Variants in LRRIQ1 observed in about 807,000 individuals in gnomAD.
LRRIQ1 encodes the protein leucine rich repeats and IQ motif containing 1, also known as leucine-rich repeat- and IQ domain-containing protein 1.
In LRRIQ1, 210 loss-of-function variants were observed where a neutral mutation model predicts 211.9. That is an observed-to-expected ratio of 0.99 (90% CI 0.89 to 1.11). The LOEUF (loss-of-function observed/expected upper bound fraction) is 1.11. Ranked by LOEUF, LRRIQ1 falls within the 50% of genes most tolerant of loss-of-function variation. The probability of loss-of-function intolerance (pLI) is 0.00; values close to 1 mark genes in which losing one functional copy is unlikely to be tolerated. For missense variants in LRRIQ1, 2,136 were observed against 1,939.5 expected (o/e 1.10, Z -1.90); for synonymous variants, 699 against 650.1 (o/e 1.08, Z -1.14).
chr12:85,150,035 C>T (rs907146344), intron 19 of LRRIQ1, among the ~76,000 whole-genome samples: 3 of 151,640 alleles, frequency 2.0e-5, no homozygotes, highest in African/African-American at 7.3e-5. Flanking sequence ...GGATCTTGTC[C>T]TGCTGAAGAG....
At chr12:85,065,180 A>G (rs1812510882) in intron 8 of LRRIQ1, 82 bp from the exon 9 acceptor site, 3 of 1,175,890 alleles carry the variant, frequency 2.6e-6, no homozygotes, top group African/African-American at 1.6e-5. Context: ...TGAATTTTCT[A>G]AACAGTTTTG....
intron 11 of LRRIQ1, among the ~76,000 whole-genome samples, chr12:85,082,265 G>T (rs1884375773): frequency 6.6e-6 from 1 of 152,076 alleles, no homozygotes; most frequent in Admixed American, 6.6e-5. Context: ...CACCAATGCA[G>T]TTAAGAATGC....
intron 17 of LRRIQ1, chr12:85,124,885 T>C (rs1476304374): frequency 8.6e-6 from 2 of 231,420 alleles, no homozygotes; most frequent in African/African-American, 4.8e-5. Context: ...TTTTTAAAAA[T>C]ATACCTTTGC....
intron 11 of LRRIQ1, among the ~76,000 whole-genome samples, chr12:85,094,775 CT>C (rs1885719194): frequency 6.6e-6 from 1 of 152,012 alleles, no homozygotes; most frequent in Non-Finnish European, 1.5e-5. Flanking sequence ...TGTATTATCT[CT>C]GATTTCTTTC....
At chr12:85,098,246 T>A (rs1886063342) in intron 11 of LRRIQ1, 109 bp from the exon 12 acceptor site, 1 of 662,304 alleles carries the variant, frequency 1.5e-6, no homozygotes, top group Admixed American at 3.4e-5. Flanking sequence ...TTGTAATTAA[T>A]GATAGTGAGA....
chr12:85,047,846 T>C (rs1879819004), intron 6 of LRRIQ1: 2 of 167,624 alleles, frequency 1.2e-5, no homozygotes, highest in South Asian at 1.5e-4. Context: ...GCATATGACA[T>C]GTAAAACATA....
chr12:85,066,766 A>G lies in LRRIQ1; in HGVS notation c.2563A>G (p.Ile855Val), dbSNP rs746083804. 1.9e-6 allele frequency: 3 copies of G among 1,594,030 alleles called. No homozygotes were observed. The highest frequency in any genetic ancestry group is 2.6e-6 in the Non-Finnish European group (3 of 1,172,086). Reference sequence around the variant, plus strand: ...GCTTCAGGAAAACCATATTGAGGCTATTGAGTGTGAAAATTTGGAAAATCT... The same window carrying G: ...GCTTCAGGAAAACCATATTGAGGCTGTTGAGTGTGAAAATTTGGAAAATCT... ...IDAQENHIEA[I>V]ECENLENLCV... The change falls in exon 10 of 27, where the codon ATT (isoleucine) becomes GTT (valine). Residue 855 changes from isoleucine to valine, a missense_variant. Ile to Val is a conservative substitution (Grantham distance 29). Transcript: ENST00000393217.
Position 85,038,346 on chromosome 12 carries a change from G to A in LRRIQ1, c.132+38G>A, listed in dbSNP as rs370718816. 7.9e-6 allele frequency: 11 copies of A among 1,388,282 alleles called. No individual in the cohort carries two copies. In the Admixed American group the frequency reaches 1.3e-4, roughly 16 times the overall value. 86.0% of individuals were successfully genotyped at this position (1,388,282 alleles called of 1,614,324 possible). A position where few individuals can be genotyped will look rare whatever the true frequency, so the allele number is the denominator to read the frequency against. ...CTTTTGAGCCTTTTAACAGGAGTAG[G>A]CTTTTCAGGAGAAATATTACTTTTC... On this transcript the variant is annotated intron_variant, in intron 2 of 26. Coordinates refer to ENST00000393217, the MANE Select transcript of LRRIQ1 (RefSeq NM_001079910.2).
At position 85,220,692 on chromosome 12, in the gene LRRIQ1, G is replaced by A. The variant is rs577849574; in HGVS notation, c.4823-8825G>A. Among the ~76,000 whole-genome samples, 30 of 150,888 alleles carry A rather than the reference G, an allele frequency of 2.0e-4. 1 individual carries two copies. The South Asian group carries it at 5.9e-3, about 29-fold the overall frequency. On this transcript the variant is annotated intron_variant, in intron 24 of 26. Coordinates refer to ENST00000393217, the MANE Select transcript of LRRIQ1 (RefSeq NM_001079910.2). ...AAGTTTTAGGGTACATGTGCACAAT[G>A]TGCAGGTTTGTTACATATGTATACA...
intron 15 of LRRIQ1, among the ~76,000 whole-genome samples, chr12:85,114,556 T>C (rs1437761083): frequency 2.8e-5 from 4 of 140,896 alleles, no homozygotes; most frequent in Non-Finnish European, 4.7e-5. Context: ...GAAAATAAAT[T>C]GACATATTTT....
In LRRIQ1 at chr12:85,217,873, A is replaced by C. The variant is rs1894230840; in HGVS notation, c.4823-11644A>C. On this transcript the variant is annotated intron_variant, in intron 24 of 26. Coordinates refer to ENST00000393217, the MANE Select transcript of LRRIQ1 (RefSeq NM_001079910.2). ...TATCACCATGTTATTCTGAAAGCCA[A>C]CCTACTGACATCATTAGATGCTCCA... is the stretch of plus-strand genomic sequence containing the variant. 6.6e-5 allele frequency among the ~76,000 whole-genome samples: 10 copies of C among 151,328 alleles called. No homozygotes were observed. In the South Asian group the frequency reaches 2.1e-3, roughly 31 times the overall value.
At chr12:85,057,485 T>G (rs1881262919) in intron 8 of LRRIQ1, among the ~76,000 whole-genome samples, 1 of 151,908 alleles carries the variant, frequency 6.6e-6, no homozygotes, top group Non-Finnish European at 1.5e-5. Context: ...ATATAGAAAG[T>G]TAGGGTTAGA....
chr12:85,087,835 C>G (rs981866418), intron 11 of LRRIQ1, among the ~76,000 whole-genome samples: 5 of 151,732 alleles, frequency 3.3e-5, no homozygotes, highest in Non-Finnish European at 7.4e-5. Context: ...TTTGTAGATT[C>G]TGGATATTAG....
intron 13 of LRRIQ1, 135 bp from the exon 14 acceptor site, chr12:85,103,869 T>G (rs1167919357): frequency 2.9e-5 from 10 of 342,354 alleles, no homozygotes; most frequent in Non-Finnish European, 5.2e-5. Flanking sequence ...CAATTATAAT[T>G]GTATATATAA....
At chr12:85,264,111 CTG>C (rs1322946328) in exon 2 of LRRIQ1, 2 of 151,948 alleles carry the variant, frequency 1.3e-5, no homozygotes, top group African/African-American at 4.8e-5. Flanking sequence ...CTAGAGATAA[CTG>C]AAGTGATGTA....
chr12:85,153,625 T>C (rs1334497936), intron 21 of LRRIQ1, 38 bp from the exon 22 acceptor site: 3 of 1,291,834 alleles, frequency 2.3e-6, no homozygotes, highest in Admixed American at 2.2e-5. Flanking sequence ...GATATACTTG[T>C]GTTGATTCAG....
chr12:85,038,182 C>A lies in LRRIQ1; in HGVS notation c.6C>A (p.Asp2Glu), dbSNP rs761010014. The change falls in exon 2 of 27, where the codon GAC becomes GAA. Residue 2 changes from aspartate to glutamate, a missense_variant. Physicochemically the swap from Asp to Glu is conservative, Grantham distance 45 (BLOSUM62 2). Transcript: ENST00000393217. ...GTGCTTTATTATGAAGAATAATGGA[C>A]GATGATGATGCAAAGCTCAAAGCAG... MDDDDAKLKAEI... is the reference protein window; with the variant it reads MEDDDAKLKAEI... 2 of 1,552,958 alleles carry A rather than the reference C, an allele frequency of 1.3e-6. No homozygotes were observed. The highest frequency in any genetic ancestry group is 1.9e-5 in the Admixed American group (1 of 53,874).
intron 24 of LRRIQ1, among the ~76,000 whole-genome samples, chr12:85,201,158 A>G (rs866608605): frequency 2.0e-5 from 3 of 151,298 alleles, no homozygotes; most frequent in Admixed American, 1.3e-4. Context: ...ATGTGCTGCT[A>G]GATTTAGTTT....
At chr12:85,059,576 G>A (rs1359473110) in intron 8 of LRRIQ1, among the ~76,000 whole-genome samples, 1 of 151,908 alleles carries the variant, frequency 6.6e-6, no homozygotes, top group Non-Finnish European at 1.5e-5. Flanking sequence ...TCAACTAAAT[G>A]TCTATTGATC....
Sources: allele counts gnomAD v4.1 joint callset (sites outside exome capture counted in the v4.1 genomes callset), GRCh38; gene constraint gnomAD v4.1.1; transcripts MANE v1.5; gene names NCBI Gene and HGNC (gene_info 2026-07-23, HGNC 2026-07-21).